Variants in AK5 observed in about 807,000 individuals in gnomAD.
AK5 encodes the protein adenylate kinase isoenzyme 5.
Under a neutral mutation model 69.5 loss-of-function variants are expected in AK5, and 27 were observed. The ratio of observed to expected loss-of-function variants is 0.39; its 90% CI spans 0.29 to 0.54. The LOEUF (loss-of-function observed/expected upper bound fraction) is 0.54, where lower values mean the gene tolerates loss of function less well. Ranked by LOEUF, AK5 falls within the 20% of genes least tolerant of loss-of-function variation. The pLI is 0.71. For missense variants in AK5, 531 were observed against 700.4 expected, an observed-to-expected ratio of 0.76 and a Z score of 2.73; for synonymous variants, 260 against 244.4, an observed-to-expected ratio of 1.06 and a Z score of -0.60.
chr1:77,367,513 G>C (rs547982299), intron 6 of AK5, among the ~76,000 whole-genome samples: 7 of 124,998 alleles, frequency 5.6e-5, no homozygotes, highest in South Asian at 2.6e-4. Context: ...TTTTTTTGTA[G>C]AGACAGGTTT....
intron 13 of AK5, among the ~76,000 whole-genome samples, chr1:77,537,372 A>T (rs1659027388): frequency 6.6e-6 from 1 of 152,140 alleles, no homozygotes; most frequent in Non-Finnish European, 1.5e-5. Flanking sequence ...ATCAAGATGG[A>T]TCATATGTAG....
At chr1:77,312,475 C>T (rs1175081539) in intron 5 of AK5, among the ~76,000 whole-genome samples, 1 of 151,958 alleles carries the variant, frequency 6.6e-6, no homozygotes, top group Non-Finnish European at 1.5e-5. Context: ...ATCAGCCAGG[C>T]GTGGTGGCAC....
intron 13 of AK5, among the ~76,000 whole-genome samples, chr1:77,542,651 C>T (rs1659338373): frequency 6.6e-6 from 1 of 152,092 alleles, no homozygotes; most frequent in African/African-American, 2.4e-5. Context: ...GTATAAGTAA[C>T]AACTACACAT....
chr1:77,300,813 A>G (rs1047057458), intron 5 of AK5, among the ~76,000 whole-genome samples: 3 of 152,108 alleles, frequency 2.0e-5, no homozygotes, highest in African/African-American at 4.8e-5. Flanking sequence ...AACACTCTCC[A>G]CAGGTTGTAT....
chr1:77,306,443 T>A (rs1457310044), intron 5 of AK5, among the ~76,000 whole-genome samples: 2 of 151,608 alleles, frequency 1.3e-5, no homozygotes, highest in African/African-American at 4.8e-5. Flanking sequence ...TTGGTTATGA[T>A]GAATGATCTT....
intron 8 of AK5, among the ~76,000 whole-genome samples, chr1:77,448,814 T>C (rs1011561353): frequency 6.6e-5 from 10 of 152,220 alleles, no homozygotes; most frequent in African/African-American, 2.4e-4. Flanking sequence ...TCTTTGAGGC[T>C]CTGTGGTTCC....
chr1:77,464,557 T>C (rs1654027835), intron 8 of AK5, among the ~76,000 whole-genome samples: 1 of 152,138 alleles, frequency 6.6e-6, no homozygotes, highest in East Asian at 1.9e-4. Flanking sequence ...AGGCAGATCA[T>C]TCTAGGTGAA....
At chr1:77,520,908 C>T (rs768961385) in intron 11 of AK5, among the ~76,000 whole-genome samples, 7 of 152,172 alleles carry the variant, frequency 4.6e-5, no homozygotes, top group Admixed American at 2.0e-4. Context: ...AGAGAGCCCA[C>T]GAAAAGGGAA....
At position 77,410,767 on chromosome 1, in the gene AK5, G is replaced by A. The variant is rs369252144; in HGVS notation, c.892-214G>A. On this transcript the variant is annotated intron_variant, in intron 6 of 13. Coordinates refer to ENST00000354567, the MANE Select transcript of AK5 (RefSeq NM_174858.3). ...ATATTACACTTTTTTTTAACCATAA[G>A]TGACTGTACATTTATTCCCTAATAC... is the stretch of plus-strand genomic sequence containing the variant. Among the ~76,000 whole-genome samples the A allele has an allele frequency of 3.4e-4, 52 of 152,090 alleles. 1 individual carries two copies. The highest frequency in any genetic ancestry group is 1.2e-3 in the African/African-American group (51 of 41,498).
At chr1:77,459,501 T>C (rs745549210) in intron 8 of AK5, among the ~76,000 whole-genome samples, 12 of 152,146 alleles carry the variant, frequency 7.9e-5, no homozygotes, top group Non-Finnish European at 1.3e-4. Flanking sequence ...TCTCAAGCTT[T>C]AAGGAGCATG....
At chr1:77,282,616 G>A in intron 1 of AK5, 13 of 1,288,188 alleles carry the variant, frequency 1.0e-5, no homozygotes, top group Non-Finnish European at 1.3e-5. Context: ...TTCCAGCAGG[G>A]TTCTGAAAGC....
At chr1:77,288,655 A>G (rs566709394) in intron 2 of AK5, among the ~76,000 whole-genome samples, 11 of 152,266 alleles carry the variant, frequency 7.2e-5, no homozygotes, top group African/African-American at 2.2e-4. Context: ...GCAGAAGTCA[A>G]TGATATGACT....
chr1:77,441,118 T>C (rs998277856), intron 8 of AK5, among the ~76,000 whole-genome samples: 1 of 152,224 alleles, frequency 6.6e-6, no homozygotes, highest in African/African-American at 2.4e-5. Flanking sequence ...TTTCATTAAT[T>C]GAATTCTTTA....
At chr1:77,490,710 G>T (rs1302164400) in intron 10 of AK5, among the ~76,000 whole-genome samples, 1 of 151,454 alleles carries the variant, frequency 6.6e-6, no homozygotes, top group Non-Finnish European at 1.5e-5. Flanking sequence ...CCTTTAAAGG[G>T]CCTCATTATG....
intron 6 of AK5, among the ~76,000 whole-genome samples, chr1:77,381,765 A>C (rs1451307042): frequency 6.6e-6 from 1 of 152,224 alleles, no homozygotes; most frequent in Admixed American, 6.5e-5. Context: ...GAGCATTCAG[A>C]GTTCTCTATT....
intron 12 of AK5, among the ~76,000 whole-genome samples, chr1:77,533,039 C>A (rs945830445): frequency 2.0e-5 from 3 of 152,148 alleles, no homozygotes; most frequent in Non-Finnish European, 4.4e-5. Context: ...GTATTAAAAA[C>A]AAATGGTTCA....
intron 6 of AK5, among the ~76,000 whole-genome samples, chr1:77,395,156 G>A (rs1290900628): frequency 2.0e-5 from 3 of 152,094 alleles, no homozygotes; most frequent in African/African-American, 7.2e-5. Flanking sequence ...GCTTTGTTTG[G>A]AAGAAAAGGG....
chr1:77,293,133 T>C (rs1180459360), intron 2 of AK5, among the ~76,000 whole-genome samples: 1 of 152,192 alleles, frequency 6.6e-6, no homozygotes, highest in African/African-American at 2.4e-5. Context: ...TTAGATGATG[T>C]TACAAGATAT....
At chr1:77,515,639 G>A (rs1053476848) in intron 10 of AK5, among the ~76,000 whole-genome samples, 11 of 152,166 alleles carry the variant, frequency 7.2e-5, no homozygotes, top group East Asian at 3.9e-4. Flanking sequence ...GGGAGCACCC[G>A]GCGCTGTTTA....
Sources: allele counts gnomAD v4.1 joint callset (sites outside exome capture counted in the v4.1 genomes callset), GRCh38; gene constraint gnomAD v4.1.1; transcripts MANE v1.5; gene names NCBI Gene and HGNC (gene_info 2026-07-23, HGNC 2026-07-21).